The following RAD54L variants were observed in gnomAD, a reference collection of about 807,000 sequenced individuals.
RAD54L encodes RAD54 like.
RAD54L carries 74 observed loss-of-function variants against 91.6 expected under a neutral mutation model. That is an observed-to-expected ratio of 0.81 (90% CI 0.67 to 0.98). The LOEUF (loss-of-function observed/expected upper bound fraction) is 0.98. Among genes scored for constraint, RAD54L ranks in the 50% least tolerant of loss-of-function variants. The probability of loss-of-function intolerance (pLI) is 0.00; values close to 1 mark genes in which losing one functional copy is unlikely to be tolerated. For synonymous variants in RAD54L, 304 were observed against 349.7 expected (o/e 0.87, Z 1.46); for missense variants, 887 against 945.7 (o/e 0.94, Z 0.81).
Position 46,272,560 on chromosome 1 carries a change from G to T in RAD54L, c.1244+20G>T. ...TTGTAGGTACTGAACTCAACTGAAAGATGTGGAGTGGGTCAAAGCCTAGCT... is the reference window on the plus strand; with the variant it reads ...TTGTAGGTACTGAACTCAACTGAAATATGTGGAGTGGGTCAAAGCCTAGCT... On this transcript the variant is annotated intron_variant, in intron 11 of 17. Transcript: ENST00000371975. 2 of 1,608,692 alleles carry T rather than the reference G, an allele frequency of 1.2e-6. No homozygotes were observed. The highest frequency in any genetic ancestry group is 1.7e-6 in the Non-Finnish European group (2 of 1,175,024).
intron 3 of RAD54L, among the ~76,000 whole-genome samples, chr1:46,255,121 G>A (rs917725789): frequency 6.6e-6 from 1 of 152,220 alleles, no homozygotes; most frequent in African/African-American, 2.4e-5. Context: ...GACAGGAAGA[G>A]TGGGAGGAAA....
intron 8 of RAD54L, among the ~76,000 whole-genome samples, chr1:46,261,715 A>G (rs1237572906): frequency 6.6e-6 from 1 of 152,222 alleles, no homozygotes; most frequent in African/African-American, 2.4e-5. Context: ...TGTCTGAGAC[A>G]AGTCTCAATT....
chr1:46,265,152 C>T lies in RAD54L; in HGVS notation c.892-2307C>T, dbSNP rs565533834. Among the ~76,000 whole-genome samples, 1 of 151,950 alleles carries T rather than the reference C, an allele frequency of 6.6e-6. No individual in the cohort carries two copies. The highest frequency in any genetic ancestry group is 1.9e-4 in the East Asian group (1 of 5,144). On this transcript the variant is annotated intron_variant, in intron 8 of 17. Coordinates refer to ENST00000371975, the MANE Select transcript of RAD54L (RefSeq NM_003579.4). This position sits in a 1 kb window ranked among gnomAD's most constrained non-coding sequence, Gnocchi z 4.8. ...CAGAAGTCTAAGGCTTTTTTTAGGG[C>T]TAGTACTTGGAGCCTCTAATAATTT...
rs768862202 is a variant in RAD54L at position 46,254,583 on chromosome 1, CT to C, written c.211-4083del. Among the ~76,000 whole-genome samples the C allele has an allele frequency of 4.4e-3, 568 of 130,168 alleles. 2 individuals are homozygous for C. Among genetic ancestry groups the C allele is most frequent in the African/African-American group, 9.9e-3 (350 of 35,332 alleles). The allele number at this position is 130,168 out of a possible 152,430, so 85.4% of individuals were successfully genotyped here. ...AACCCTGAGCCCTGGGGAGCACTGACTTTTTTTTTTTTTTTTTTTTCCTGAG... is the reference window on the plus strand; with the variant it reads ...AACCCTGAGCCCTGGGGAGCACTGACTTTTTTTTTTTTTTTTTTTCCTGAG... On this transcript the variant is annotated intron_variant, in intron 3 of 17. Coordinates refer to ENST00000371975, the MANE Select transcript of RAD54L (RefSeq NM_003579.4).
chr1:46,258,416 CTG>C (rs1454963433), intron 3 of RAD54L, among the ~76,000 whole-genome samples: 1 of 152,042 alleles, frequency 6.6e-6, no homozygotes, highest in East Asian at 1.9e-4. Context: ...TTGGCTAAGT[CTG>C]TGGTATTTGC....
chr1:46,260,202 A>C, intron 5 of RAD54L, 103 bp downstream of exon 5: 1 of 1,536,066 alleles, frequency 6.5e-7, no homozygotes, highest in Admixed American at 1.7e-5. Flanking sequence ...TAGGATTGAC[A>C]TATGTTTTCA....
At chr1:46,257,192 A>C (rs1245554910) in intron 3 of RAD54L, among the ~76,000 whole-genome samples, 1 of 152,000 alleles carries the variant, frequency 6.6e-6, no homozygotes, top group African/African-American at 2.4e-5. Context: ...GTACATTTGA[A>C]TTTCTAGACA....
At position 46,274,728 on chromosome 1, in the gene RAD54L, T is replaced by TA; in HGVS notation, c.1869+11_1869+12insA. ...TACCGCCTGCTGTCTGTAAGGATGG[T>TA]GATAGTAGTCATAGTAGGGGTGGGT... is the stretch of plus-strand genomic sequence containing the variant. On this transcript the variant is annotated intron_variant, in intron 16 of 17. Coordinates refer to ENST00000371975, the MANE Select transcript of RAD54L (RefSeq NM_003579.4). 6.2e-7 allele frequency: 1 copy of TA among 1,614,004 alleles called. No individual in the cohort carries two copies. Among genetic ancestry groups the TA allele is most frequent in the Non-Finnish European group, 8.5e-7 (1 of 1,179,990 alleles).
chr1:46,261,042 C>T, intron 7 of RAD54L, 27 bp downstream of exon 7: 1 of 1,607,444 alleles, frequency 6.2e-7, no homozygotes. Flanking sequence ...AAGATGGCTG[C>T]ACTCTCCTGC....
chr1:46,259,152 G>A (rs541410520), intron 4 of RAD54L, among the ~76,000 whole-genome samples: 11 of 151,966 alleles, frequency 7.2e-5, no homozygotes, highest in Non-Finnish European at 1.5e-4. Context: ...TGGAGGAATA[G>A]GGAGGCCAGC....
At chr1:46,275,806 C>T (rs982679089) in intron 16 of RAD54L, among the ~76,000 whole-genome samples, 1 of 152,058 alleles carries the variant, frequency 6.6e-6, no homozygotes, top group Non-Finnish European at 1.5e-5. Context: ...TTTTCCTCTT[C>T]GTGTATCTCA....
intron 10 of RAD54L, 33 bp downstream of exon 10, chr1:46,270,818 C>T (rs923533884): frequency 1.9e-6 from 3 of 1,609,874 alleles, no homozygotes; most frequent in African/African-American, 1.3e-5. Context: ...TTAGAATTGC[C>T]TCCCAAACCA....
rs774559406 is a variant in RAD54L, at chr1:46,248,394, C to T, written c.-12C>T. ...TCATGGGTACTTGACGTTTTAAACT[C>T]CTAGGCCCAGGATGGTAAGTGTGGG... On this transcript the variant is annotated 5_prime_UTR_variant, in exon 1 of 18. Coordinates refer to ENST00000371975, the MANE Select transcript of RAD54L (RefSeq NM_003579.4). 4 of 1,613,828 alleles carry T rather than the reference C, an allele frequency of 2.5e-6. No homozygotes were observed. The highest frequency in any genetic ancestry group is 3.3e-5 in the Admixed American group (2 of 60,004).
intron 12 of RAD54L, 149 bp downstream of exon 12, chr1:46,272,951 C>T: frequency 8.2e-7 from 1 of 1,222,610 alleles, no homozygotes; most frequent in Non-Finnish European, 1.2e-6. Flanking sequence ...AGGCATGAAC[C>T]CTGCATTGTG....
chr1:46,254,355 A>T (rs1659884266), intron 3 of RAD54L, among the ~76,000 whole-genome samples: 1 of 151,528 alleles, frequency 6.6e-6, no homozygotes, highest in Non-Finnish European at 1.5e-5. Context: ...CACAAGAGTC[A>T]TAGTGTGGCC....
chr1:46,259,036 C>T (rs536262765), intron 4 of RAD54L, among the ~76,000 whole-genome samples: 1 of 152,308 alleles, frequency 6.6e-6, no homozygotes, highest in South Asian at 2.1e-4. Flanking sequence ...AATCCAAGTG[C>T]ATTCAGTAGC....
rs28363241 is a variant in RAD54L, at chr1:46,273,775, A to G, written c.1610+28A>G. 5.7e-6 allele frequency: 9 copies of G among 1,581,354 alleles called. No individual in the cohort carries two copies. The East Asian group carries it at 1.6e-4, about 28-fold the overall frequency. ...AGGGAAGATCCTAACCAGGATGCCA[A>G]AGGGGGATATACCCCTCCCCTACTG... On this transcript the variant is annotated intron_variant, in intron 14 of 17. Transcript: ENST00000371975.
In RAD54L at chr1:46,277,976, G is replaced by A; in HGVS notation, c.2029G>A (p.Asp677Asn). 1 of 1,614,146 alleles carries A rather than the reference G, an allele frequency of 6.2e-7. No homozygotes were observed. The highest frequency in any genetic ancestry group is 8.5e-7 in the Non-Finnish European group (1 of 1,180,034). ...TGAAGCTAGCCTCAGTGACACACATGACAGGTGGGGAAGTGCCCTAACCAT... is the reference window on the plus strand; with the variant it reads ...TGAAGCTAGCCTCAGTGACACACATAACAGGTGGGGAAGTGCCCTAACCAT... ...LDEASLSDTH[D>N]RLHCRRCVNS... Residue 677 changes from aspartate (D) to asparagine (N), a missense_variant, in exon 17 of 18, where the codon GAC becomes AAC. Physicochemically the swap from Asp to Asn is conservative, Grantham distance 23 (BLOSUM62 1). Coordinates refer to ENST00000371975, the MANE Select transcript of RAD54L (RefSeq NM_003579.4).
At position 46,250,117 on chromosome 1, in the gene RAD54L, C is replaced by T. The variant is rs764062401; in HGVS notation, c.208C>T (p.His70Tyr). The change falls in exon 3 of 18, where the codon CAT becomes TAT. Residue 70 changes from histidine to tyrosine, a missense_variant and splice_region_variant. Physicochemically the swap from His to Tyr is moderately conservative, Grantham distance 83. Transcript: ENST00000371975. ...NQPPCLDSSQHEAFIRSILSK... is the reference protein window; with the variant it reads ...NQPPCLDSSQYEAFIRSILSK... ...ACCACCTTGTCTGGACAGCAGTCAG[C>T]ATGTAAGCCAGAACTGCAACCTGCA... The T allele has an allele frequency of 6.2e-7, 1 of 1,614,068 alleles. No individual in the cohort carries two copies. Among genetic ancestry groups the T allele is most frequent in the Admixed American group, 1.7e-5 (1 of 60,006 alleles).
Sources: allele counts gnomAD v4.1 joint callset (sites outside exome capture counted in the v4.1 genomes callset), GRCh38; gene constraint gnomAD v4.1.1; non-coding constraint Gnocchi (gnomAD v3.1); transcripts MANE v1.5; gene names NCBI Gene and HGNC (gene_info 2026-07-23, HGNC 2026-07-21).